COL21A1: variants seen among roughly 807,000 people sequenced by gnomAD.
The protein encoded by COL21A1 is collagen type XXI alpha 1 chain, also known as collagen alpha-1(XXI) chain.
COL21A1 carries 149 observed loss-of-function variants against 137.9 expected under a neutral mutation model. That is an observed-to-expected ratio of 1.08 (90% confidence interval 0.95 to 1.24). The LOEUF is 1.24. Among genes scored for constraint, COL21A1 ranks in the 50% most tolerant of loss-of-function variants. The pLI, the probability that COL21A1 is intolerant of heterozygous loss-of-function variation, is 0.00. For synonymous variants in COL21A1, 456 were observed against 391.5 expected, an observed-to-expected ratio of 1.16 and a Z score of -1.95; for missense variants, 1,167 against 1,158.4, an observed-to-expected ratio of 1.01 and a Z score of -0.11.
intron 1 of COL21A1, among the ~76,000 whole-genome samples, chr6:56,277,859 A>G (rs9396189): frequency 0.23 from 34,363 of 152,160 alleles, 4,330 homozygotes; most frequent in Non-Finnish European, 0.29. Flanking sequence ...TAACATGTAT[A>G]TTTCTGACAA....
intron 3 of COL21A1, among the ~76,000 whole-genome samples, chr6:56,173,982 C>T (rs1258688314): frequency 2.0e-5 from 3 of 152,062 alleles, no homozygotes; most frequent in African/African-American, 7.2e-5. Flanking sequence ...GAAATCATAC[C>T]AGTATATTTT....
chr6:56,060,250 G>C (rs920562590), intron 27 of COL21A1, 32 bp from the exon 28 acceptor site: 1 of 1,501,866 alleles, frequency 6.7e-7, no homozygotes, highest in Admixed American at 2.3e-5. Context: ...CATCCCTTAT[G>C]TTTAAATGGT....
intron 16 of COL21A1, among the ~76,000 whole-genome samples, chr6:56,114,158 CAT>C (rs1449115283): frequency 1.3e-5 from 2 of 152,326 alleles, no homozygotes; most frequent in Non-Finnish European, 2.9e-5. Flanking sequence ...AAGGGAAAGA[CAT>C]AGGCCTGGCT....
intron 17 of COL21A1, among the ~76,000 whole-genome samples, chr6:56,094,453 CCTCA>C (rs1362602799): frequency 3.9e-5 from 6 of 152,074 alleles, no homozygotes; most frequent in Non-Finnish European, 8.8e-5. Context: ...TTCACTGAGC[CCTCA>C]CTATCAATCT....
At chr6:56,315,710 TCTAC>T (rs1239369521) in intron 1 of COL21A1, among the ~76,000 whole-genome samples, 1 of 138,900 alleles carries the variant, frequency 7.2e-6, no homozygotes, top group African/African-American at 2.6e-5. Context: ...CTACCCCTCC[TCTAC>T]CTGTTTTTGC....
chr6:56,371,031 T>C (rs1480889058), intron 1 of COL21A1, among the ~76,000 whole-genome samples: 2 of 152,196 alleles, frequency 1.3e-5, no homozygotes, highest in Non-Finnish European at 2.9e-5. Flanking sequence ...TGCTTTCCCT[T>C]CCTCTAGGAT....
chr6:56,094,683 C>A (rs1769164342), intron 17 of COL21A1, among the ~76,000 whole-genome samples: 1 of 152,150 alleles, frequency 6.6e-6, no homozygotes, highest in Admixed American at 6.6e-5. Context: ...TATGTATACA[C>A]ACATATACAT....
intron 3 of COL21A1, among the ~76,000 whole-genome samples, chr6:56,174,673 C>A (rs2397205): frequency 0.013 from 2,006 of 152,056 alleles, 51 homozygotes; most frequent in African/African-American, 0.047. Flanking sequence ...GTAATCAAAA[C>A]ACCCCAACAA....
rs370830439 is a variant in COL21A1, at chr6:56,170,718, G to A, written c.957C>T (p.Ile319=). ...TTACGCTGGTTGTTGTAAATAATAA[G>A]ATTTTGTCCACACCATTTAAGGTAA... The part of the protein sequence containing the change: ...IAVTLNGVDK[I]LLFTTTSVIN... The change falls in exon 5 of 30, where the codon ATC becomes ATT. Residue 319 remains isoleucine, a synonymous_variant. Transcript: ENST00000244728. The A allele has an allele frequency of 2.5e-6, 4 of 1,607,096 alleles. No individual in the cohort carries two copies. In the African/African-American group the frequency reaches 5.3e-5, roughly 21 times the overall value.
Position 56,133,261 on chromosome 6 carries a change from G to T in COL21A1, c.1543-7112C>A, listed in dbSNP as rs139046203. Among the ~76,000 whole-genome samples the T allele has an allele frequency of 2.0e-3, 304 of 152,288 alleles. 2 individuals carry two copies. The highest frequency in any genetic ancestry group is 6.8e-3 in the African/African-American group (282 of 41,564). ...TTCAGGTGATCTCAGATGGAGATGA[G>T]AAACTTGTTGGGAACTGGAGTAAAA... On this transcript the variant is annotated intron_variant, in intron 12 of 29. Coordinates refer to ENST00000244728, the MANE Select transcript of COL21A1 (RefSeq NM_030820.4).
chr6:56,360,226 T>C (rs1765935065), intron 1 of COL21A1, among the ~76,000 whole-genome samples: 1 of 151,844 alleles, frequency 6.6e-6, no homozygotes, highest in Non-Finnish European at 1.5e-5. Flanking sequence ...ATAAAGAGAG[T>C]AAAGCCAGTT....
chr6:56,092,032 T>C (rs1768865161), intron 17 of COL21A1, among the ~76,000 whole-genome samples: 1 of 152,162 alleles, frequency 6.6e-6, no homozygotes, highest in African/African-American at 2.4e-5. Context: ...TAAGGATTCT[T>C]TGAAGCAATC....
intron 1 of COL21A1, among the ~76,000 whole-genome samples, chr6:56,242,127 C>G (rs1782363739): frequency 6.6e-6 from 1 of 151,954 alleles, no homozygotes. Flanking sequence ...CTATACATAC[C>G]CTATAAGTGG....
At chr6:56,305,305 G>A (rs1233898590) in intron 1 of COL21A1, among the ~76,000 whole-genome samples, 13 of 152,114 alleles carry the variant, frequency 8.5e-5, no homozygotes, top group African/African-American at 1.4e-4. Context: ...TTTCTGTCTC[G>A]TTGATCTGTC....
At chr6:56,121,521 TATAC>T (rs1469530078) in intron 16 of COL21A1, among the ~76,000 whole-genome samples, 15 of 142,292 alleles carry the variant, frequency 1.1e-4, no homozygotes, top group African/African-American at 1.6e-4. Flanking sequence ...TGTATATATA[TATAC>T]ATATACATAT....
chr6:56,157,787 T>C (rs948506956), intron 9 of COL21A1, among the ~76,000 whole-genome samples: 1 of 152,364 alleles, frequency 6.6e-6, no homozygotes, highest in Admixed American at 6.5e-5. Context: ...TTACTGTCTA[T>C]ACTTGCAATC....
intron 1 of COL21A1, among the ~76,000 whole-genome samples, chr6:56,350,641 A>C (rs78851712): frequency 0.019 from 2,822 of 152,294 alleles, 86 homozygotes; most frequent in African/African-American, 0.062. Flanking sequence ...GAGTGTTAGT[A>C]GCTCTCTCCT....
In COL21A1 at chr6:56,061,010, G is replaced by T; in HGVS notation, c.2233C>A (p.Arg745=). 1.9e-6 allele frequency: 3 copies of T among 1,606,762 alleles called. No homozygotes were observed. Among genetic ancestry groups the T allele is most frequent in the Non-Finnish European group, 2.5e-6 (3 of 1,177,422 alleles). Residue 745 remains arginine, a synonymous_variant, in exon 26 of 30, where the codon CGA becomes AGA. Coordinates refer to ENST00000244728, the MANE Select transcript of COL21A1 (RefSeq NM_030820.4). Reference sequence around the variant, plus strand: ...TCTCCTTTTGATCCAATGGCACCTCGGACACCAGGTTCTCCCTTTTCACCT... The same window carrying T: ...TCTCCTTTTGATCCAATGGCACCTCTGACACCAGGTTCTCCCTTTTCACCT... The part of the protein sequence containing the change: ...ERGEKGEPGV[R]GAIGSKGESG...
intron 1 of COL21A1, among the ~76,000 whole-genome samples, chr6:56,329,318 T>C (rs1219019365): frequency 6.6e-6 from 1 of 152,102 alleles, no homozygotes; most frequent in Non-Finnish European, 1.5e-5. Flanking sequence ...CTTTTATCAC[T>C]GGTTCCCTGG....
Sources: allele counts gnomAD v4.1 joint callset (sites outside exome capture counted in the v4.1 genomes callset), GRCh38; gene constraint gnomAD v4.1.1; transcripts MANE v1.5; gene names NCBI Gene and HGNC (gene_info 2026-07-23, HGNC 2026-07-21).